Variants in DYRK1A observed in about 807,000 individuals in gnomAD.
DYRK1A encodes the protein dual specificity tyrosine phosphorylation regulated kinase 1A.
Under a neutral mutation model 79.7 loss-of-function variants are expected in DYRK1A, and 9 were observed. The observed-to-expected ratio is 0.11, with a 90% CI of 0.07 to 0.20. DYRK1A has a LOEUF of 0.20. Among genes scored for constraint, DYRK1A ranks in the 10% least tolerant of loss-of-function variants. DYRK1A has a pLI of 1.00. For missense variants in DYRK1A, 622 were observed against 956.0 expected, an observed-to-expected ratio of 0.65 and a Z score of 4.61; for synonymous variants, 349 against 329.7, an observed-to-expected ratio of 1.06 and a Z score of -0.63.
At chr21:37,436,194 CA>C (rs1026302483) in intron 2 of DYRK1A, among the ~76,000 whole-genome samples, 7 of 152,090 alleles carry the variant, frequency 4.6e-5, no homozygotes, top group Non-Finnish European at 1.0e-4. Flanking sequence ...AGAGGAAGCC[CA>C]TAGAATTTGT....
intron 11 of DYRK1A, among the ~76,000 whole-genome samples, chr21:37,506,548 T>C (rs2053604877): frequency 6.6e-6 from 1 of 152,210 alleles, no homozygotes; most frequent in South Asian, 2.1e-4. Flanking sequence ...TGAGACTTCA[T>C]GGGCTAAGTA....
chr21:37,377,650 G>C (rs2049574141), intron 1 of DYRK1A, among the ~76,000 whole-genome samples: 1 of 152,100 alleles, frequency 6.6e-6, no homozygotes, highest in South Asian at 2.1e-4. Flanking sequence ...TAAATTTTTT[G>C]TTGAGACATA....
intron 9 of DYRK1A, chr21:37,503,575 A>C (rs981547719): frequency 6.6e-6 from 1 of 152,100 alleles, no homozygotes; most frequent in Non-Finnish European, 1.5e-5. Flanking sequence ...GAGTGGTGCA[A>C]CCACCATACC....
intron 2 of DYRK1A, among the ~76,000 whole-genome samples, chr21:37,429,873 T>C (rs1007778177): frequency 6.6e-5 from 10 of 152,220 alleles, no homozygotes; most frequent in African/African-American, 2.4e-4. Context: ...CCTTTTACTA[T>C]TTTCCGTTTT....
intron 1 of DYRK1A, among the ~76,000 whole-genome samples, chr21:37,379,268 G>A (rs1186342634): frequency 6.6e-6 from 1 of 152,176 alleles, no homozygotes; most frequent in African/African-American, 2.4e-5. Context: ...TAGATGTAAT[G>A]TATAGGCATG....
At chr21:37,476,611 C>CT (rs1415805616) in intron 3 of DYRK1A, among the ~76,000 whole-genome samples, 1 of 152,154 alleles carries the variant, frequency 6.6e-6, no homozygotes, top group African/African-American at 2.4e-5. Context: ...ACCCTAAATG[C>CT]TTACAGCATT....
Position 37,513,981 on chromosome 21 carries a change from A to G in DYRK1A, c.*1450A>G, listed in dbSNP as rs942835660. On this transcript the variant is annotated 3_prime_UTR_variant, in exon 12 of 12. Coordinates refer to ENST00000647188, the MANE Select transcript of DYRK1A (RefSeq NM_001347721.2). Reference sequence around the variant, plus strand: ...GGAACTGTTGTTGAATCCATAGCCAATACATTTACAGCAATCTGTGTACTG... The same window carrying G: ...GGAACTGTTGTTGAATCCATAGCCAGTACATTTACAGCAATCTGTGTACTG... 1.3e-5 allele frequency: 2 copies of G among 152,652 alleles called. No individual in the cohort carries two copies. The highest frequency in any genetic ancestry group is 1.3e-4 in the Admixed American group (2 of 15,276). The allele number at this position is 152,652 out of a possible 1,614,324, so 9.5% of individuals were successfully genotyped here. A position where few individuals can be genotyped will look rare whatever the true frequency, so the allele number is the denominator to read the frequency against.
At chr21:37,476,826 C>A (rs1050839476) in intron 3 of DYRK1A, among the ~76,000 whole-genome samples, 4 of 142,112 alleles carry the variant, frequency 2.8e-5, no homozygotes, top group African/African-American at 5.8e-5. Context: ...GTTCCCCCCC[C>A]CCCCAACCTT....
chr21:37,430,030 T>C (rs2050734393), intron 2 of DYRK1A, among the ~76,000 whole-genome samples: 1 of 152,210 alleles, frequency 6.6e-6, no homozygotes, highest in South Asian at 2.1e-4. Context: ...CGATCCTCTT[T>C]TAAAGTTTTT....
chr21:37,378,928 T>A (rs889845551), intron 1 of DYRK1A, among the ~76,000 whole-genome samples: 4 of 151,994 alleles, frequency 2.6e-5, no homozygotes, highest in African/African-American at 9.7e-5. Flanking sequence ...AGTGGATGGA[T>A]GGGCTTTTTA....
intron 4 of DYRK1A, 150 bp downstream of exon 4, chr21:37,478,450 C>G (rs557330045): frequency 3.3e-6 from 2 of 605,066 alleles, no homozygotes; most frequent in South Asian, 5.1e-5. Flanking sequence ...AATAATATTA[C>G]AATTATGTAA....
intron 2 of DYRK1A, chr21:37,430,473 C>T (rs1384922129): frequency 1.1e-6 from 1 of 936,230 alleles, no homozygotes; most frequent in African/African-American, 1.8e-5. Flanking sequence ...TTTTTACTTT[C>T]ACCTTTGTTC....
At position 37,513,614 on chromosome 21, in the gene DYRK1A, G is replaced by C. The variant is rs1039790125; in HGVS notation, c.*1083G>C. The C allele has an allele frequency of 6.6e-6, 1 of 152,634 alleles. No homozygotes were observed. Among genetic ancestry groups the C allele is most frequent in the Non-Finnish European group, 1.5e-5 (1 of 68,034 alleles). 9.5% of individuals were successfully genotyped at this position (152,634 alleles called of 1,614,324 possible). On this transcript the variant is annotated 3_prime_UTR_variant, in exon 12 of 12. Coordinates refer to ENST00000647188, the MANE Select transcript of DYRK1A (RefSeq NM_001347721.2). Reference sequence around the variant, plus strand: ...GTAGTGGTTTGCTTTGATGGAAATAGCTACAGCTGTGTCCCTTCCTGCTTT... The same window carrying C: ...GTAGTGGTTTGCTTTGATGGAAATACCTACAGCTGTGTCCCTTCCTGCTTT...
In DYRK1A at chr21:37,522,398, C is replaced by T. The variant is rs951364448; in HGVS notation, c.*9867C>T. ...ACTTGCAGAAGATGACACAACTGAC[C>T]AGCGACAGTCTGTCTTCTAGTCAGG... is the stretch of plus-strand genomic sequence containing the variant. On this transcript the variant is annotated 3_prime_UTR_variant, in exon 12 of 12. Transcript: ENST00000647188. 1.3e-5 allele frequency: 2 copies of T among 152,322 alleles called. No individual in the cohort carries two copies. The highest frequency in any genetic ancestry group is 3.9e-4 in the East Asian group (2 of 5,180). The allele number at this position is 152,322 out of a possible 1,614,324, so 9.4% of individuals were successfully genotyped here. A position where few individuals can be genotyped will look rare whatever the true frequency, so the allele number is the denominator to read the frequency against.
intron 1 of DYRK1A, among the ~76,000 whole-genome samples, chr21:37,403,663 A>ATGTGTGTGTG (rs761056038): frequency 1.4e-4 from 17 of 121,546 alleles, no homozygotes; most frequent in South Asian, 6.0e-4. Flanking sequence ...ATATATATAT[A>ATGTGTGTGTG]TGTGTGTGTG....
intron 1 of DYRK1A, among the ~76,000 whole-genome samples, chr21:37,385,052 G>A (rs979210145): frequency 6.6e-6 from 1 of 151,906 alleles, no homozygotes; most frequent in East Asian, 1.9e-4. Context: ...GTTTGCTTAA[G>A]AACAATTGTG....
In DYRK1A at chr21:37,426,837, A is replaced by G. The variant is rs559090532; in HGVS notation, c.10+6453A>G. Reference sequence around the variant, plus strand: ...TGGGAGGCTTAGGCAGGAGAATGGCATGAACCTGGGAGGCGGAGCTTGCAG... The same window carrying G: ...TGGGAGGCTTAGGCAGGAGAATGGCGTGAACCTGGGAGGCGGAGCTTGCAG... On this transcript the variant is annotated intron_variant, in intron 2 of 11. Transcript: ENST00000647188. 3.1e-3 allele frequency among the ~76,000 whole-genome samples: 465 copies of G among 148,680 alleles called. 2 individuals carry two copies. The highest frequency in any genetic ancestry group is 6.8e-3 in the Middle Eastern group (2 of 292).
chr21:37,421,868 T>A (rs2050485214), intron 2 of DYRK1A: 1 of 152,124 alleles, frequency 6.6e-6, no homozygotes, highest in Non-Finnish European at 1.5e-5. Flanking sequence ...TCGACTGAGG[T>A]CAGTAGAGGA....
At chr21:37,383,714 A>C (rs1249759392) in intron 1 of DYRK1A, among the ~76,000 whole-genome samples, 1 of 152,210 alleles carries the variant, frequency 6.6e-6, no homozygotes, top group Non-Finnish European at 1.5e-5. Flanking sequence ...AGGTCCCTGC[A>C]CTCACAGAGC....
Sources: gnomAD v4.1 joint callset for allele counts (sites outside exome capture counted in the v4.1 genomes callset) on GRCh38, gnomAD v4.1.1 for gene constraint, MANE v1.5 for transcripts, NCBI Gene and HGNC (gene_info 2026-07-23, HGNC 2026-07-21) for gene names.